The following ACSL3 variants were observed in gnomAD, a reference collection of about 807,000 sequenced individuals.
ACSL3 encodes the protein fatty acid CoA ligase Acsl3.
Under a neutral mutation model 84.7 loss-of-function variants are expected in ACSL3, and 34 were observed. That is an observed-to-expected ratio of 0.40 (90% CI 0.31 to 0.53). ACSL3 has a LOEUF of 0.53. Ranked by LOEUF, ACSL3 falls within the 20% of genes least tolerant of loss-of-function variation. The probability of loss-of-function intolerance (pLI) is 0.48; values close to 1 mark genes in which losing one functional copy is unlikely to be tolerated. For missense variants in ACSL3, 680 were observed against 873.1 expected (o/e 0.78, Z 2.79); for synonymous variants, 315 against 299.4 (o/e 1.05, Z -0.54).
chr2:222,913,953 T>C (rs947136587), intron 4 of ACSL3, among the ~76,000 whole-genome samples: 2 of 151,044 alleles, frequency 1.3e-5, no homozygotes, highest in Non-Finnish European at 1.5e-5. Flanking sequence ...TTAGTTACCC[T>C]CATTATCATT....
intron 1 of ACSL3, among the ~76,000 whole-genome samples, chr2:222,864,426 C>A (rs1313295989): frequency 1.3e-5 from 2 of 152,032 alleles, no homozygotes; most frequent in Non-Finnish European, 2.9e-5. Flanking sequence ...TGGAGCTGGG[C>A]AGAGGAGGTT....
chr2:222,906,133 CTTG>C (rs1392229458), intron 3 of ACSL3, among the ~76,000 whole-genome samples: 4 of 152,144 alleles, frequency 2.6e-5, no homozygotes, highest in Non-Finnish European at 5.9e-5. Context: ...AGGGCTGCTG[CTTG>C]TTGTGTTGTT....
At chr2:222,921,026 A>G (rs1045421775) in intron 7 of ACSL3, 3 of 584,570 alleles carry the variant, frequency 5.1e-6, no homozygotes, top group Non-Finnish European at 1.0e-5. Context: ...AATAGCATCT[A>G]TTGTCATCTT....
At position 222,927,053 on chromosome 2, in the gene ACSL3, A is replaced by G. The variant is rs1696899447; in HGVS notation, c.1329A>G (p.Gly443=). The G allele has an allele frequency of 6.2e-6, 10 of 1,613,402 alleles. No individual in the cohort carries two copies. The highest frequency in any genetic ancestry group is 7.6e-6 in the Non-Finnish European group (9 of 1,179,542). Residue 443 remains glycine, a synonymous_variant, in exon 12 of 17, where the codon GGA becomes GGG. Coordinates refer to ENST00000357430, the MANE Select transcript of ACSL3 (RefSeq NM_004457.5). ...VFRKVRSLLG[G]NIRLLLCGGA... is the part of the protein sequence containing the mutation. ...GGAAAGTTCGAAGCTTGCTAGGGGG[A>G]AATATTCGTCTCCTGTTGTGTGGTG...
intron 1 of ACSL3, among the ~76,000 whole-genome samples, chr2:222,866,440 TGACTGCAA>T (rs1559273211): frequency 1.2e-4 from 18 of 152,030 alleles, no homozygotes; most frequent in African/African-American, 1.9e-4. Flanking sequence ...GCTACTGCGC[TGACTGCAA>T]AATAGGTTCT....
intron 12 of ACSL3, 130 bp from the exon 13 acceptor site, chr2:222,928,732 A>G: frequency 1.3e-6 from 1 of 799,166 alleles, no homozygotes; most frequent in Middle Eastern, 3.5e-4. Context: ...CCAATATGTG[A>G]CTTCTGCTTT....
intron 4 of ACSL3, among the ~76,000 whole-genome samples, 164 bp from the exon 5 acceptor site, chr2:222,916,155 T>C (rs1696575426): frequency 6.6e-6 from 1 of 152,212 alleles, no homozygotes; most frequent in Non-Finnish European, 1.5e-5. Context: ...AGCTAATTTT[T>C]AAAATAGATT....
At chr2:222,896,305 G>T (rs1695973215) in intron 2 of ACSL3, among the ~76,000 whole-genome samples, 1 of 14,398 alleles carries the variant, frequency 6.9e-5, no homozygotes, top group African/African-American at 2.8e-4. Context: ...CCTCCCGGAC[G>T]GGGCGGCTGG....
chr2:222,908,910 G>C lies in ACSL3; in HGVS notation c.138G>C (p.Glu46Asp). 1 of 1,611,862 alleles carries C rather than the reference G, an allele frequency of 6.2e-7. No individual in the cohort carries two copies. The highest frequency in any genetic ancestry group is 8.5e-7 in the Non-Finnish European group (1 of 1,179,214). The change falls in exon 4 of 17, where the codon GAG (glutamate) becomes GAC (aspartate). Residue 46 changes from glutamate to aspartate, a missense_variant. By Grantham distance (45) the Glu-to-Asp change is conservative (BLOSUM62 2). Transcript: ENST00000357430. ...LTYIPFYFFS[E>D]SRQEKSNRIK... is the part of the protein sequence containing the mutation. ...ACATTCCGTTTTATTTTTTCTCCGA[G>C]TCAAGACAAGAAAAATCAAACCGAA...
At chr2:222,931,900 A>G (rs1697040103) in intron 14 of ACSL3, among the ~76,000 whole-genome samples, 1 of 152,044 alleles carries the variant, frequency 6.6e-6, no homozygotes, top group Non-Finnish European at 1.5e-5. Context: ...GACTCGGCTC[A>G]AGCAGCTGAG....
Position 222,933,175 on chromosome 2 carries a change from A to C in ACSL3, c.1742A>C (p.Lys581Thr), listed in dbSNP as rs765097643. 1 of 1,611,938 alleles carries C rather than the reference A, an allele frequency of 6.2e-7. No individual in the cohort carries two copies. The highest frequency in any genetic ancestry group is 8.5e-7 in the Non-Finnish European group (1 of 1,178,852). The change falls in exon 15 of 17, where the codon AAG becomes ACG. Residue 581 changes from lysine (K) to threonine (T), a missense_variant. Lys to Thr is a moderately conservative substitution (Grantham distance 78). Around this residue, in one of 2 missense-constraint regions of ACSL3, gnomAD observed 347 missense variants for 525.7 expected, o/e 0.66. Coordinates refer to ENST00000357430, the MANE Select transcript of ACSL3 (RefSeq NM_004457.5). ...TTTCTTTGTTTTGCAGATCGTAAAA[A>C]GGACCTTGTAAAACTACAGGCAGGG... ...DGCLKIIDRK[K>T]DLVKLQAGEY... is the part of the protein sequence containing the mutation.
intron 16 of ACSL3, among the ~76,000 whole-genome samples, chr2:222,938,661 C>T (rs1338345541): frequency 2.0e-5 from 3 of 152,080 alleles, no homozygotes; most frequent in Non-Finnish European, 2.9e-5. Context: ...TGAATTTATA[C>T]TCCCATTTCT....
At chr2:222,895,473 T>TAGAGCTCTTTCTACTTACTGTC (rs1574533836) in intron 2 of ACSL3, among the ~76,000 whole-genome samples, 2 of 14,736 alleles carry the variant, frequency 1.4e-4, no homozygotes, top group East Asian at 6.9e-3. Flanking sequence ...CTTTGTTCTT[T>TAGAGCTCTTTCTACTTACTGTC]TTTTTTTTTT....
At chr2:222,878,329 A>G (rs556090341) in intron 1 of ACSL3, among the ~76,000 whole-genome samples, 1 of 152,330 alleles carries the variant, frequency 6.6e-6, no homozygotes, top group African/African-American at 2.4e-5. Flanking sequence ...GTTGAGTAAT[A>G]TATGCTAATG....
At position 222,930,823 on chromosome 2, in the gene ACSL3, T is replaced by C. The variant is rs772651847; in HGVS notation, c.1732+11T>C. The C allele has an allele frequency of 1.3e-6, 2 of 1,578,810 alleles. No individual in the cohort carries two copies. Among genetic ancestry groups the C allele is most frequent in the Non-Finnish European group, 1.7e-6 (2 of 1,163,784 alleles). ...GCTTAAAGATTATTGGTAAGTCATC[T>C]AATATTTTTTTGAAAATGAATGTTT... On this transcript the variant is annotated intron_variant, in intron 14 of 16. Coordinates refer to ENST00000357430, the MANE Select transcript of ACSL3 (RefSeq NM_004457.5).
At chr2:222,887,745 T>TACTTTTTCC in intron 1 of ACSL3, 85 bp from the exon 2 acceptor site, 1 of 152,194 alleles carries the variant, frequency 6.6e-6, no homozygotes, top group African/African-American at 2.4e-5. Flanking sequence ...AGAAGTAAAA[T>TACTTTTTCC]AGTTCCAGGA....
At chr2:222,878,134 G>A (rs921420391) in intron 1 of ACSL3, among the ~76,000 whole-genome samples, 1 of 152,122 alleles carries the variant, frequency 6.6e-6, no homozygotes, top group African/African-American at 2.4e-5. Flanking sequence ...CTGCCACCTA[G>A]CACAGTAATG....
At chr2:222,894,472 A>G (rs374731989) in intron 2 of ACSL3, among the ~76,000 whole-genome samples, 4 of 152,348 alleles carry the variant, frequency 2.6e-5, no homozygotes, top group Admixed American at 1.3e-4. Context: ...TTATCACACA[A>G]TTTTATATTT....
chr2:222,891,375 G>C (rs879755848), intron 2 of ACSL3, among the ~76,000 whole-genome samples: 4 of 152,152 alleles, frequency 2.6e-5, no homozygotes, highest in South Asian at 4.1e-4. Flanking sequence ...AGATCTCTTA[G>C]TAATTGGCAG....
Sources: allele counts gnomAD v4.1 joint callset (sites outside exome capture counted in the v4.1 genomes callset), GRCh38; gene constraint gnomAD v4.1.1; regional missense constraint gnomAD v4.1.1; transcripts MANE v1.5; gene names NCBI Gene and HGNC (gene_info 2026-07-23, HGNC 2026-07-21).